Variants in SPINK5 observed in about 807,000 individuals in gnomAD.
SPINK5 encodes serine peptidase inhibitor Kazal type 5, also known as serine protease inhibitor Kazal-type 5.
A neutral mutation model predicts 151.8 loss-of-function variants in SPINK5; 125 were observed. The observed-to-expected ratio is 0.82, with a 90% CI of 0.71 to 0.96. SPINK5 has a LOEUF of 0.96. SPINK5 is among the 40% of genes least tolerant of loss of function. SPINK5 has a pLI of 0.00. For missense variants in SPINK5, 1,194 were observed against 1,291.9 expected, an observed-to-expected ratio of 0.92 and a Z score of 1.16; for synonymous variants, 374 against 395.3, an observed-to-expected ratio of 0.95 and a Z score of 0.64.
rs750516423 is a variant in SPINK5 at position 148,104,909 on chromosome 5, A to T, written c.1431-43A>T. ...AGACTCCGTCTCAAAAAAGAAAAAA[A>T]AAAATCCATTTCTTCTCTCTTTTTC... On this transcript the variant is annotated intron_variant, in intron 15 of 32. Coordinates refer to ENST00000256084, the MANE Select transcript of SPINK5 (RefSeq NM_006846.4). 626 of 1,589,032 alleles carry T rather than the reference A, an allele frequency of 3.9e-4. 1 individual carries two copies. The highest frequency in any genetic ancestry group is 4.9e-4 in the Non-Finnish European group (572 of 1,166,620).
intron 4 of SPINK5, among the ~76,000 whole-genome samples, chr5:148,080,583 A>G (rs1752993818): frequency 6.6e-6 from 1 of 151,384 alleles, no homozygotes; most frequent in Non-Finnish European, 1.5e-5. Flanking sequence ...ATGCTGAGAA[A>G]ATTGAATATA....
chr5:148,102,912 A>G (rs1753685827), intron 15 of SPINK5, among the ~76,000 whole-genome samples: 1 of 152,048 alleles, frequency 6.6e-6, no homozygotes, highest in African/African-American at 2.4e-5. Flanking sequence ...GGTGCCTAAA[A>G]TAGGTCTTTA....
chr5:148,100,046 C>T (rs553313243), intron 12 of SPINK5, among the ~76,000 whole-genome samples: 72 of 152,090 alleles, frequency 4.7e-4, no homozygotes, highest in Non-Finnish European at 6.3e-4. Flanking sequence ...AACCTGTGTG[C>T]GTATTTCCCA....
chr5:148,073,234 G>A (rs1032745151), intron 4 of SPINK5, among the ~76,000 whole-genome samples: 1 of 151,840 alleles, frequency 6.6e-6, no homozygotes, highest in Non-Finnish European at 1.5e-5. Flanking sequence ...GTCAAGGTTA[G>A]TACACCTTAA....
chr5:148,126,808 T>G (rs1172627426), intron 29 of SPINK5, among the ~76,000 whole-genome samples, 175 bp from the exon 30 acceptor site: 1 of 152,044 alleles, frequency 6.6e-6, no homozygotes, highest in Non-Finnish European at 1.5e-5. Flanking sequence ...GCCAGGCTGG[T>G]CTCCAACTCC....
rs1421301029 is a variant in SPINK5, at chr5:148,107,177, C to T, written c.1607+13C>T. 1.2e-6 allele frequency: 2 copies of T among 1,609,596 alleles called. No individual in the cohort carries two copies. Among genetic ancestry groups the T allele is most frequent in the East Asian group, 4.5e-5 (2 of 44,622 alleles). On this transcript the variant is annotated intron_variant, in intron 17 of 32. Coordinates refer to ENST00000256084, the MANE Select transcript of SPINK5 (RefSeq NM_006846.4). Reference sequence around the variant, plus strand: ...GTGCCAGTGTGTTGTGAGTGTCCACCCCATCTCTCCCACTGAATTTCTTCA... The same window carrying T: ...GTGCCAGTGTGTTGTGAGTGTCCACTCCATCTCTCCCACTGAATTTCTTCA...
rs1364595740 is a variant in SPINK5 at position 148,065,390 on chromosome 5, T to C, written c.81+18T>C. 1 of 1,613,398 alleles carries C rather than the reference T, an allele frequency of 6.2e-7. No individual in the cohort carries two copies. Among genetic ancestry groups the C allele is most frequent in the East Asian group, 2.2e-5 (1 of 44,822 alleles). The stretch of plus-strand genomic sequence containing the variant: ...AAGATCAGGTTAGTCCTGCTTTTTC[T>C]GTTCATTGAATTCATTCCAAGATTC... On this transcript the variant is annotated intron_variant, in intron 2 of 32. Transcript: ENST00000256084.
At chr5:148,124,119 T>A (rs1322825916) in intron 27 of SPINK5, among the ~76,000 whole-genome samples, 159 bp downstream of exon 27, 1 of 152,142 alleles carries the variant, frequency 6.6e-6, no homozygotes, top group Non-Finnish European at 1.5e-5. Context: ...TTCACAATAA[T>A]TTTTTTATTT....
intron 10 of SPINK5, among the ~76,000 whole-genome samples, chr5:148,097,184 A>G (rs1177235601): frequency 6.6e-6 from 1 of 151,550 alleles, no homozygotes; most frequent in Non-Finnish European, 1.5e-5. Flanking sequence ...TCCTCCACAC[A>G]TCTGGTTGAT....
At chr5:148,088,039 G>C (rs2113060465) in intron 5 of SPINK5, among the ~76,000 whole-genome samples, 1 of 151,562 alleles carries the variant, frequency 6.6e-6, no homozygotes, top group African/African-American at 2.4e-5. Context: ...GCGGTTCTGT[G>C]TTTTCAGATA....
chr5:148,117,473 T>G (rs1161649860), intron 22 of SPINK5, among the ~76,000 whole-genome samples: 1 of 152,192 alleles, frequency 6.6e-6, no homozygotes, highest in Non-Finnish European at 1.5e-5. Flanking sequence ...GTGGGTCATA[T>G]GATGTCTGCT....
At chr5:148,102,346 T>C (rs977206999) in intron 15 of SPINK5, among the ~76,000 whole-genome samples, 1 of 152,146 alleles carries the variant, frequency 6.6e-6, no homozygotes, top group Non-Finnish European at 1.5e-5. Flanking sequence ...TAATAATGTA[T>C]CATATATTTC....
At chr5:148,106,889 G>A (rs1009387219) in intron 16 of SPINK5, 148 bp from the exon 17 acceptor site, 14 of 954,946 alleles carry the variant, frequency 1.5e-5, no homozygotes, top group South Asian at 8.8e-5. Context: ...GATTGATGAC[G>A]GAAGCTTTGT....
chr5:148,107,863 T>C (rs1225294410), intron 17 of SPINK5, among the ~76,000 whole-genome samples: 1 of 152,308 alleles, frequency 6.6e-6, no homozygotes, highest in East Asian at 1.9e-4. Flanking sequence ...ATTCTCCTTT[T>C]TAGGCTCTTA....
intron 16 of SPINK5, among the ~76,000 whole-genome samples, chr5:148,105,834 G>A (rs911629324): frequency 2.0e-5 from 3 of 150,342 alleles, no homozygotes; most frequent in Non-Finnish European, 4.4e-5. Context: ...ATGTTGACCA[G>A]GCTGGTCTCA....
chr5:148,106,627 A>T (rs553435880), intron 16 of SPINK5, among the ~76,000 whole-genome samples: 1 of 152,196 alleles, frequency 6.6e-6, no homozygotes, highest in East Asian at 1.9e-4. Context: ...GAGCCACCAT[A>T]CTTGGACAAA....
At chr5:148,065,054 G>C (rs542224309) in intron 1 of SPINK5, among the ~76,000 whole-genome samples, 18 of 152,052 alleles carry the variant, frequency 1.2e-4, no homozygotes, top group Non-Finnish European at 2.2e-4. Flanking sequence ...TACTCCGAAA[G>C]GACCTTTTGA....
rs959191170 is a variant in SPINK5 at position 148,095,689 on chromosome 5, T to C, written c.795-129T>C. 2.6e-5 allele frequency: 19 copies of C among 742,214 alleles called. No individual in the cohort carries two copies. The East Asian group carries it at 4.6e-4, about 18-fold the overall frequency. 46.0% of individuals were successfully genotyped at this position (742,214 alleles called of 1,614,324 possible). A position where few individuals can be genotyped will look rare whatever the true frequency, so the allele number is the denominator to read the frequency against. On this transcript the variant is annotated intron_variant, in intron 9 of 32. Coordinates refer to ENST00000256084, the MANE Select transcript of SPINK5 (RefSeq NM_006846.4). ...TGAAATTAAAGGGTCTTTTTGGGGA[T>C]TTGAGGTGTTTTTAAAGTGTTTGTA...
At chr5:148,099,802 C>T (rs1043038064) in intron 12 of SPINK5, among the ~76,000 whole-genome samples, 1 of 152,048 alleles carries the variant, frequency 6.6e-6, no homozygotes, top group Non-Finnish European at 1.5e-5. Context: ...TGGATTTTAT[C>T]CTTTCCCTTG....
Sources: gnomAD v4.1 joint callset for allele counts (sites outside exome capture counted in the v4.1 genomes callset) on GRCh38, gnomAD v4.1.1 for gene constraint, MANE v1.5 for transcripts, NCBI Gene and HGNC (gene_info 2026-07-23, HGNC 2026-07-21) for gene names.